The following MRPS5 variants were observed in gnomAD, a reference collection of about 807,000 sequenced individuals.
MRPS5 encodes mitochondrial ribosomal protein S5.
A neutral mutation model predicts 51.9 loss-of-function variants in MRPS5; 27 were observed. The ratio of observed to expected loss-of-function variants is 0.52; its 90% CI spans 0.38 to 0.72. MRPS5 has a LOEUF of 0.72. MRPS5 is among the 30% of genes least tolerant of loss of function. The pLI is 0.00. For synonymous variants in MRPS5, 196 were observed against 193.2 expected (o/e 1.01, Z -0.12); for missense variants, 570 against 545.7 (o/e 1.04, Z -0.44).
intron 5 of MRPS5, among the ~76,000 whole-genome samples, chr2:95,107,905 G>A (rs1267567249): frequency 1.3e-5 from 2 of 152,110 alleles, no homozygotes; most frequent in African/African-American, 2.4e-5. Context: ...GGCAGCTCCT[G>A]TAGGTCCACA....
At chr2:95,094,233 G>A (rs566384629) in intron 10 of MRPS5, among the ~76,000 whole-genome samples, 5 of 152,338 alleles carry the variant, frequency 3.3e-5, no homozygotes, top group East Asian at 1.9e-4. Context: ...ATGGGACTAT[G>A]TGAAAAGACC....
At chr2:95,101,789 T>C in intron 7 of MRPS5, 66 bp from the exon 8 acceptor site, 1 of 1,073,170 alleles carries the variant, frequency 9.3e-7, no homozygotes, top group South Asian at 1.5e-5. Context: ...TTTGCCACAT[T>C]TCAAGTTTCT....
intron 3 of MRPS5, among the ~76,000 whole-genome samples, chr2:95,111,188 C>T (rs1169793931): frequency 6.6e-6 from 1 of 152,184 alleles, no homozygotes; most frequent in Non-Finnish European, 1.5e-5. Context: ...CTGACCAGAA[C>T]AAAGGATTCG....
chr2:95,114,425 G>C (rs1302373408), intron 3 of MRPS5, among the ~76,000 whole-genome samples: 1 of 151,640 alleles, frequency 6.6e-6, no homozygotes, highest in Non-Finnish European at 1.5e-5. Flanking sequence ...CCGCCACCAT[G>C]CCTGGCTAAT....
At chr2:95,120,957 AAAATAC>A (rs1676426634) in intron 1 of MRPS5, among the ~76,000 whole-genome samples, 1 of 152,130 alleles carries the variant, frequency 6.6e-6, no homozygotes, top group Non-Finnish European at 1.5e-5. Flanking sequence ...GTCTCTACTA[AAAATAC>A]AAAAATTAGC....
rs368781615 is a variant in MRPS5, at chr2:95,110,013, A to G, written c.306T>C (p.Ala102=). 1.1e-4 allele frequency: 182 copies of G among 1,613,818 alleles called. No homozygotes were observed. The highest frequency in any genetic ancestry group is 1.5e-4 in the Non-Finnish European group (178 of 1,179,996). ...TTGCTCCAGCACCAGTCTCTGCTAA[A>G]GCGCCTTTCCACAGCTCATCTGCAG... The part of the protein sequence containing the change: ...KLTADELWKG[A]LAETGAGAKK... The change falls in exon 4 of 12, where the codon GCT becomes GCC. Residue 102 remains alanine (A), a synonymous_variant. Transcript: ENST00000272418.
At chr2:95,099,152 T>G (rs370130160) in intron 10 of MRPS5, among the ~76,000 whole-genome samples, 1 of 151,444 alleles carries the variant, frequency 6.6e-6, no homozygotes, top group Non-Finnish European at 1.5e-5. Context: ...TCTCCGGACC[T>G]CGTGATCCGA....
At chr2:95,109,056 GA>G (rs2104418890) in intron 4 of MRPS5, among the ~76,000 whole-genome samples, 1 of 152,016 alleles carries the variant, frequency 6.6e-6, no homozygotes, top group African/African-American at 2.4e-5. Context: ...ACACCAATAT[GA>G]GGCCAGTGGT....
At chr2:95,113,216 C>T (rs1676178269) in intron 3 of MRPS5, among the ~76,000 whole-genome samples, 1 of 151,964 alleles carries the variant, frequency 6.6e-6, no homozygotes, top group Admixed American at 6.6e-5. Context: ...GAGGCTCACA[C>T]CTGTAATCCC....
chr2:95,114,120 C>T (rs1415546705), intron 3 of MRPS5, among the ~76,000 whole-genome samples: 1 of 43,022 alleles, frequency 2.3e-5, no homozygotes, highest in Non-Finnish European at 3.9e-5. Context: ...CTCCATCTCC[C>T]AAAAAAAAAA....
chr2:95,099,634 A>G (rs1675739511), intron 10 of MRPS5, among the ~76,000 whole-genome samples: 1 of 152,224 alleles, frequency 6.6e-6, no homozygotes, highest in Non-Finnish European at 1.5e-5. Context: ...TAAACCTTGA[A>G]GTCCACTCAA....
intron 1 of MRPS5, among the ~76,000 whole-genome samples, chr2:95,121,148 G>A (rs956805586): frequency 6.6e-6 from 1 of 152,018 alleles, no homozygotes; most frequent in Non-Finnish European, 1.5e-5. Context: ...AAAAACAAAG[G>A]AGGAGACGGA....
chr2:95,090,424 T>G lies in MRPS5; in HGVS notation c.1030A>C (p.Ser344Arg). The change falls in exon 11 of 12, where the codon AGC becomes CGC. Residue 344 changes from serine (S) to arginine (R), a missense_variant. Physicochemically the swap from Ser to Arg is moderately radical, Grantham distance 110 (BLOSUM62 -1). Coordinates refer to ENST00000272418, the MANE Select transcript of MRPS5 (RefSeq NM_031902.5). ...AKVSGSINML[S>R]LTQGLFRGLS... The stretch of plus-strand genomic sequence containing the variant: ...CCACGGAAGAGGCCCTGGGTGAGGC[T>G]GAGCATATTAATGGACCCAGAGACC... 6.2e-7 allele frequency: 1 copy of G among 1,614,060 alleles called. No homozygotes were observed. The highest frequency in any genetic ancestry group is 8.5e-7 in the Non-Finnish European group (1 of 1,180,022).
intron 2 of MRPS5, among the ~76,000 whole-genome samples, chr2:95,116,281 ATTAAC>A (rs1407540127): frequency 6.6e-6 from 1 of 151,422 alleles, no homozygotes; most frequent in Non-Finnish European, 1.5e-5. Context: ...ATATTTAATT[ATTAAC>A]TTAATATTAA....
intron 1 of MRPS5, among the ~76,000 whole-genome samples, chr2:95,118,972 C>G (rs1265472093): frequency 4.0e-5 from 6 of 151,586 alleles, no homozygotes; most frequent in Admixed American, 2.0e-4. Context: ...AAAAGCACAG[C>G]AACAAAAAGA....
chr2:95,098,109 C>T (rs1349419746), intron 10 of MRPS5, among the ~76,000 whole-genome samples: 2 of 151,952 alleles, frequency 1.3e-5, no homozygotes, highest in Non-Finnish European at 2.9e-5. Flanking sequence ...TGCTCATCAT[C>T]ACTGGTTTTG....
intron 2 of MRPS5, among the ~76,000 whole-genome samples, chr2:95,117,072 C>A (rs1280657884): frequency 6.6e-6 from 1 of 151,144 alleles, no homozygotes; most frequent in Non-Finnish European, 1.5e-5. Flanking sequence ...ACCCAGGAGG[C>A]GGAGGCTGCA....
chr2:95,116,565 T>C (rs113891823), intron 2 of MRPS5, among the ~76,000 whole-genome samples: 2,481 of 152,374 alleles, frequency 0.016, 33 homozygotes, highest in Middle Eastern at 0.024. Flanking sequence ...CATCAGCTTA[T>C]GCTAAATTAC....
chr2:95,110,694 G>A (rs1676093644), intron 3 of MRPS5, among the ~76,000 whole-genome samples: 1 of 152,078 alleles, frequency 6.6e-6, no homozygotes, highest in Admixed American at 6.6e-5. Flanking sequence ...CCCAGCTACT[G>A]GGGAGGCTGA....
Sources: gnomAD v4.1 joint callset for allele counts (sites outside exome capture counted in the v4.1 genomes callset) on GRCh38, gnomAD v4.1.1 for gene constraint, MANE v1.5 for transcripts, NCBI Gene and HGNC (gene_info 2026-07-23, HGNC 2026-07-21) for gene names.